TBC1D8B: variants seen among roughly 807,000 people sequenced by gnomAD.
TBC1D8B encodes TBC1 domain family member 8B, also known as RP11-321G1.1.
In TBC1D8B, 75 loss-of-function variants were observed where a neutral mutation model predicts 82.9. That is an observed-to-expected ratio of 0.90 (90% CI 0.75 to 1.10). The LOEUF (loss-of-function observed/expected upper bound fraction) is 1.10. TBC1D8B is among the 50% of genes least tolerant of loss of function. The pLI is 0.00. For synonymous variants in TBC1D8B, 276 were observed against 276.8 expected, an observed-to-expected ratio of 1.00 and a Z score of 0.03; for missense variants, 794 against 796.9, an observed-to-expected ratio of 1.00 and a Z score of 0.04.
At chrX:106,835,220 T>G (rs2147746987) in intron 7 of TBC1D8B, among the ~76,000 whole-genome samples, 1 of 112,747 alleles carries the variant, frequency 8.9e-6, no homozygotes, top group African/African-American at 3.2e-5. Context: ...CACCTGTGAC[T>G]TCTGTGCATC....
intron 7 of TBC1D8B, chrX:106,829,910 A>C (rs2147741214): frequency 9.0e-6 from 1 of 111,241 alleles, no homozygotes; most frequent in South Asian, 3.8e-4. Context: ...TAAAACACCA[A>C]AAGCAATGGC....
chrX:106,841,366 T>TGAAA, intron 10 of TBC1D8B, among the ~76,000 whole-genome samples: 1 of 111,968 alleles, frequency 8.9e-6, no homozygotes, highest in Admixed American at 9.5e-5. Context: ...ATTTTGGACA[T>TGAAA]ATGGAAATGG....
chrX:106,817,251 G>T (rs940981988), intron 1 of TBC1D8B, among the ~76,000 whole-genome samples: 2 of 111,129 alleles, frequency 1.8e-5, no homozygotes, highest in African/African-American at 6.5e-5. Context: ...AGAAGACATG[G>T]TTATTGTCCT....
chrX:106,805,338 T>C (rs1359549546), intron 1 of TBC1D8B, among the ~76,000 whole-genome samples: 3 of 109,068 alleles, frequency 2.8e-5, no homozygotes, highest in Admixed American at 9.8e-5. Flanking sequence ...CCCACTTTGG[T>C]CTCCCAAAGG....
chrX:106,827,444 G>T lies in TBC1D8B; in HGVS notation c.1203+107G>T, dbSNP rs749218335. ...GTACCTTTCCTATTTATGCCCAGGGGTTTTTTTTAAAGATAGAATCTAAGA... is the reference window on the plus strand; with the variant it reads ...GTACCTTTCCTATTTATGCCCAGGGTTTTTTTTTAAAGATAGAATCTAAGA... On this transcript the variant is annotated intron_variant, in intron 7 of 20. Transcript: ENST00000357242. 28 of 873,274 alleles carry T rather than the reference G, an allele frequency of 3.2e-5. 1 individual carries two copies. Among genetic ancestry groups the T allele is most frequent in the Admixed American group, 1.3e-4 (4 of 31,057 alleles). The allele number at this position is 873,274 out of a possible 1,213,427, so 72.0% of individuals were successfully genotyped here.
At chrX:106,813,627 C>G (rs1931442840) in intron 1 of TBC1D8B, among the ~76,000 whole-genome samples, 1 of 111,827 alleles carries the variant, frequency 8.9e-6, no homozygotes, top group Non-Finnish European at 1.9e-5. Context: ...TAAAGCTATC[C>G]TGTATTCAAT....
chrX:106,852,447 T>C (rs1434286992), intron 12 of TBC1D8B, among the ~76,000 whole-genome samples: 6 of 110,837 alleles, frequency 5.4e-5, no homozygotes, highest in East Asian at 2.8e-4. Flanking sequence ...ATTTTGGCTT[T>C]TGTTGCCATT....
intron 10 of TBC1D8B, 82 bp from the exon 11 acceptor site, chrX:106,848,104 G>A: frequency 1.6e-6 from 1 of 636,925 alleles, no homozygotes; most frequent in Non-Finnish European, 2.3e-6. Context: ...TCTTGTTGCT[G>A]TCAAAAACTA....
chrX:106,840,963 T>G, intron 10 of TBC1D8B, 79 bp downstream of exon 10: 4 of 938,761 alleles, frequency 4.3e-6, no homozygotes, highest in Non-Finnish European at 6.0e-6. Context: ...AATTTGGAAG[T>G]GGCGATTATA....
intron 14 of TBC1D8B, among the ~76,000 whole-genome samples, chrX:106,860,154 CT>C (rs962115060): frequency 9.0e-6 from 1 of 110,591 alleles, no homozygotes; most frequent in Non-Finnish European, 1.9e-5. Context: ...GAAGTTTTCT[CT>C]TTTTTTTGTT....
intron 5 of TBC1D8B, among the ~76,000 whole-genome samples, chrX:106,824,777 T>C (rs746457195): frequency 1.8e-5 from 2 of 111,624 alleles, no homozygotes; most frequent in Non-Finnish European, 3.8e-5. Context: ...ATCTACATCT[T>C]TTTTTCTAGT....
chrX:106,838,026 T>A (rs1932216608), intron 7 of TBC1D8B, among the ~76,000 whole-genome samples: 1 of 111,805 alleles, frequency 8.9e-6, no homozygotes, highest in Non-Finnish European at 1.9e-5. Flanking sequence ...AATAGGTGTG[T>A]AATGTTGTTT....
At chrX:106,858,404 C>T (rs1167182418) in intron 14 of TBC1D8B, among the ~76,000 whole-genome samples, 2 of 111,901 alleles carry the variant, frequency 1.8e-5, no homozygotes, top group African/African-American at 6.5e-5. Context: ...TCCTGAATAG[C>T]TGGAACTACA....
chrX:106,848,271 T>C lies in TBC1D8B; in HGVS notation c.1805T>C (p.Met602Thr). ...FWLLVAVCERMLPDYFNRRII... is the reference protein window; with the variant it reads ...FWLLVAVCERTLPDYFNRRII... ...CTTCTGGTTGCTGTATGTGAACGAA[T>C]GTTGCCTGATTATTTTAATCGTCGA... The change falls in exon 11 of 21, where the codon ATG (methionine) becomes ACG (threonine). Residue 602 changes from methionine (M) to threonine (T), a missense_variant. Transcript: ENST00000357242. 1 of 1,190,556 alleles carries C rather than the reference T, an allele frequency of 8.4e-7. No individual in the cohort carries two copies. Among genetic ancestry groups the C allele is most frequent in the Middle Eastern group, 2.3e-4 (1 of 4,271 alleles).
chrX:106,873,504 C>T, intron 20 of TBC1D8B, 66 bp from the exon 21 acceptor site: 2 of 1,069,186 alleles, frequency 1.9e-6, no homozygotes, highest in South Asian at 2.3e-5. Context: ...CTATTCACTT[C>T]TAAGTTCTCT....
At chrX:106,850,985 G>A (rs1932572937) in intron 12 of TBC1D8B, among the ~76,000 whole-genome samples, 1 of 111,506 alleles carries the variant, frequency 9.0e-6, no homozygotes, top group African/African-American at 3.3e-5. Flanking sequence ...GAGCTGTGTG[G>A]TATTTGCCAA....
intron 1 of TBC1D8B, among the ~76,000 whole-genome samples, chrX:106,816,812 T>C (rs1360261425): frequency 9.0e-6 from 1 of 111,181 alleles, no homozygotes; most frequent in Non-Finnish European, 1.9e-5. Context: ...TCTCCTATCC[T>C]TTCCTTTCAG....
At chrX:106,822,255 AAC>A in intron 4 of TBC1D8B, 53 bp downstream of exon 4, 1 of 921,622 alleles carries the variant, frequency 1.1e-6, no homozygotes, top group Non-Finnish European at 1.5e-6. Flanking sequence ...CTGACCTACC[AAC>A]TCTAATGATG....
chrX:106,816,157 A>T (rs1931536108), intron 1 of TBC1D8B, among the ~76,000 whole-genome samples: 1 of 111,481 alleles, frequency 9.0e-6, no homozygotes, highest in Non-Finnish European at 1.9e-5. Flanking sequence ...TATATCTAGA[A>T]AACCCCATTG....
Sources: allele counts gnomAD v4.1 joint callset (sites outside exome capture counted in the v4.1 genomes callset), GRCh38; gene constraint gnomAD v4.1.1; transcripts MANE v1.5; gene names NCBI Gene and HGNC (gene_info 2026-07-23, HGNC 2026-07-21).